The following SPTAN1 variants were observed in gnomAD, a reference collection of about 807,000 sequenced individuals.
SPTAN1 encodes the protein spectrin alpha, non-erythrocytic 1.
A neutral mutation model predicts 331.3 loss-of-function variants in SPTAN1; 61 were observed. That is an observed-to-expected ratio of 0.18 (90% CI 0.15 to 0.23). The LOEUF (loss-of-function observed/expected upper bound fraction) is 0.23. Ranked by LOEUF, SPTAN1 falls within the 10% of genes least tolerant of loss-of-function variation. SPTAN1 has a pLI of 1.00. For synonymous variants in SPTAN1, 1,153 were observed against 1,173.9 expected, an observed-to-expected ratio of 0.98 and a Z score of 0.36; for missense variants, 2,043 against 3,147.9, an observed-to-expected ratio of 0.65 and a Z score of 8.40.
chr9:128,624,469 G>A lies in SPTAN1; in HGVS notation c.5974G>A (p.Val1992Met). 1 of 1,613,446 alleles carries A rather than the reference G, an allele frequency of 6.2e-7. No homozygotes were observed. Among genetic ancestry groups the A allele is most frequent in the Non-Finnish European group, 8.5e-7 (1 of 1,180,036 alleles). The change falls in exon 46 of 57, where the codon GTG (valine) becomes ATG (methionine). Residue 1992 changes from valine (V) to methionine (M), a missense_variant. Val to Met is a conservative substitution (Grantham distance 21). Transcript: ENST00000372739. ...CCTTCAGTTCAACTGGAAGGCGGAC[G>A]TGGTGGAGTCCTGGATCGGTGAGCA... ...AFLQFNWKAD[V>M]VESWIGEKEN...
intron 1 of SPTAN1, among the ~76,000 whole-genome samples, chr9:128,563,595 C>A (rs1029787201): frequency 6.6e-6 from 1 of 152,066 alleles, no homozygotes; most frequent in Non-Finnish European, 1.5e-5. Flanking sequence ...TCCAATTTTA[C>A]AATATGCAAA....
In SPTAN1 at chr9:128,625,158, G is replaced by A. The variant is rs557306645; in HGVS notation, c.6048G>A (p.Val2016=). 9 of 1,614,168 alleles carry A rather than the reference G, an allele frequency of 5.6e-6. No individual in the cohort carries two copies. The South Asian group carries it at 8.8e-5, about 16-fold the overall frequency. ...ATTATGGCCGAGACCTGTCTTCTGTGCAGACGCTCCTCACCAAACAGGTCT... is the reference window on the plus strand; with the variant it reads ...ATTATGGCCGAGACCTGTCTTCTGTACAGACGCTCCTCACCAAACAGGTCT... ...TDDYGRDLSS[V]QTLLTKQETF... The change falls in exon 47 of 57, where the codon GTG becomes GTA. Residue 2016 remains valine (V), a synonymous_variant. Transcript: ENST00000372739. This position sits in a 1 kb window ranked among gnomAD's most constrained non-coding sequence, Gnocchi z 4.1.
rs112955915 is a variant in SPTAN1, at chr9:128,627,469, C to T, written c.6660C>T (p.Asn2220=). ...KLRQEFAQHA[N]AFHQWIQETR... is the part of the protein sequence containing the mutation. ...GCCAGGAGTTTGCCCAGCACGCCAA[C>T]GCCTTCCACCAGTGGATCCAAGAGA... The change falls in exon 50 of 57, where the codon AAC becomes AAT. Residue 2220 remains asparagine, a synonymous_variant. Coordinates refer to ENST00000372739, the MANE Select transcript of SPTAN1 (RefSeq NM_001130438.3). This position sits in a 1 kb window ranked among gnomAD's most constrained non-coding sequence, Gnocchi z 4.9. 1.3e-3 allele frequency: 2,028 copies of T among 1,551,172 alleles called. 14 individuals carry two copies. The African/African-American group carries it at 0.021, about 16-fold the overall frequency.
intron 2 of SPTAN1, 59 bp downstream of exon 2, chr9:128,567,036 A>G: frequency 6.2e-7 from 1 of 1,610,348 alleles, no homozygotes; most frequent in South Asian, 1.1e-5. Context: ...TTCTTACCCA[A>G]AAATCAGACG....
In SPTAN1 at chr9:128,633,413, C is replaced by T. The variant is rs1860159957; in HGVS notation, c.*79C>T. 1.9e-6 allele frequency: 3 copies of T among 1,603,280 alleles called. No homozygotes were observed. The highest frequency in any genetic ancestry group is 2.6e-6 in the Non-Finnish European group (3 of 1,174,736). ...ATGTCCGCTCCTCTGTGTGCTCTCA[C>T]TTTCCACTGTAACCTTAAGCCTGCT... On this transcript the variant is annotated 3_prime_UTR_variant, in exon 57 of 57. Coordinates refer to ENST00000372739, the MANE Select transcript of SPTAN1 (RefSeq NM_001130438.3).
Position 128,583,111 on chromosome 9 carries a change from A to G in SPTAN1, c.1841A>G (p.His614Arg). ...PSNLQGKVQK[H>R]QAFEAELSAN... Reference sequence around the variant, plus strand: ...AACCTACAAGGAAAAGTACAGAAGCATCAGGCTTTTGAGGCTGAGCTCTCA... The same window carrying G: ...AACCTACAAGGAAAAGTACAGAAGCGTCAGGCTTTTGAGGCTGAGCTCTCA... The change falls in exon 15 of 57, where the codon CAT becomes CGT. Residue 614 changes from histidine to arginine, a missense_variant. Physicochemically the swap from His to Arg is conservative, Grantham distance 29. Transcript: ENST00000372739. The G allele has an allele frequency of 6.2e-7, 1 of 1,614,216 alleles. No individual in the cohort carries two copies.
At position 128,621,269 on chromosome 9, in the gene SPTAN1, C is replaced by T. The variant is rs1857814553; in HGVS notation, c.5832+13C>T. ...CCTCATTAAGAAGGTGAGTCCAGCC[C>T]ATTGGTAAGACCTCCATCGCCCACT... On this transcript the variant is annotated intron_variant, in intron 45 of 56. Coordinates refer to ENST00000372739, the MANE Select transcript of SPTAN1 (RefSeq NM_001130438.3). 1 of 1,609,584 alleles carries T rather than the reference C, an allele frequency of 6.2e-7. No individual in the cohort carries two copies. The highest frequency in any genetic ancestry group is 1.1e-5 in the South Asian group (1 of 90,664).
chr9:128,593,870 A>C, intron 23 of SPTAN1: 89 of 382,170 alleles, frequency 2.3e-4, no homozygotes, highest in Middle Eastern at 8.9e-4. Flanking sequence ...TTACTGTGCT[A>C]AGCGCTTGGT....
chr9:128,611,303 C>T (rs1046477941), intron 37 of SPTAN1, among the ~76,000 whole-genome samples: 4 of 152,124 alleles, frequency 2.6e-5, no homozygotes, highest in Non-Finnish European at 4.4e-5. Flanking sequence ...AACCCCATCT[C>T]TACAAAAAAT....
chr9:128,609,537 C>T lies in SPTAN1; in HGVS notation c.4759-114C>T, dbSNP rs536623480. ...ATAGAATCCCCCTTCTATTACTGTT[C>T]CCAAATGCTGAGCTTCCTGGGGGAA... is the stretch of plus-strand genomic sequence containing the variant. On this transcript the variant is annotated intron_variant, in intron 36 of 56. Transcript: ENST00000372739. 53 of 1,013,802 alleles carry T rather than the reference C, an allele frequency of 5.2e-5. 1 individual carries two copies. Among genetic ancestry groups the T allele is most frequent in the Non-Finnish European group, 7.1e-5 (49 of 689,006 alleles). The allele number at this position is 1,013,802 out of a possible 1,614,324, so 62.8% of individuals were successfully genotyped here. A position where few individuals can be genotyped will look rare whatever the true frequency, so the allele number is the denominator to read the frequency against.
chr9:128,589,705 A>G (rs1564241631), intron 21 of SPTAN1, among the ~76,000 whole-genome samples: 3 of 151,100 alleles, frequency 2.0e-5, no homozygotes, highest in Non-Finnish European at 4.4e-5. Context: ...CCTCCCGAGC[A>G]GCTGGGACTA....
At chr9:128,598,264 T>A (rs1295998071) in intron 24 of SPTAN1, 136 bp from the exon 25 acceptor site, 3 of 719,758 alleles carry the variant, frequency 4.2e-6, no homozygotes, top group Non-Finnish European at 7.1e-6. Flanking sequence ...CTTATTTTTT[T>A]AATCCCCCCC....
chr9:128,572,238 C>T (rs373652697), intron 3 of SPTAN1, among the ~76,000 whole-genome samples: 2 of 152,170 alleles, frequency 1.3e-5, no homozygotes, highest in Non-Finnish European at 1.5e-5. Flanking sequence ...TCTCTGAAGG[C>T]TCCTGTTGCT....
chr9:128,626,596 T>G lies in SPTAN1; in HGVS notation c.6485T>G (p.Ile2162Ser). 1 of 1,613,938 alleles carries G rather than the reference T, an allele frequency of 6.2e-7. No homozygotes were observed. Among genetic ancestry groups the G allele is most frequent in the Non-Finnish European group, 8.5e-7 (1 of 1,179,974 alleles). The change falls in exon 49 of 57, where the codon ATC (isoleucine) becomes AGC (serine). Residue 2162 changes from isoleucine to serine, a missense_variant. Coordinates refer to ENST00000372739, the MANE Select transcript of SPTAN1 (RefSeq NM_001130438.3). ...CAGCTGGCCGAGCTGGACCGCCAGA[T>G]CAAGAGCTTCCGCGTAGCCTCCAAC... is the stretch of plus-strand genomic sequence containing the variant. ...FNQLAELDRQIKSFRVASNPY... is the reference protein window; with the variant it reads ...FNQLAELDRQSKSFRVASNPY...
intron 1 of SPTAN1, chr9:128,553,362 G>C (rs1848332946): frequency 6.7e-6 from 1 of 148,768 alleles, no homozygotes. Flanking sequence ...GTAAATAATA[G>C]GTAAATGCAG....
chr9:128,578,693 G>A (rs150023098), intron 9 of SPTAN1, among the ~76,000 whole-genome samples: 8 of 152,148 alleles, frequency 5.3e-5, no homozygotes, highest in African/African-American at 1.9e-4. Context: ...GCTGGTCATG[G>A]TGGCACGCGC....
At position 128,561,662 on chromosome 9, in the gene SPTAN1, CAAAA is replaced by C. The variant is rs762156669; in HGVS notation, c.-3-5053_-3-5050del. On this transcript the variant is annotated intron_variant, in intron 1 of 56. Coordinates refer to ENST00000372739, the MANE Select transcript of SPTAN1 (RefSeq NM_001130438.3). The stretch of plus-strand genomic sequence containing the variant: ...TGGGCAACAGAGCGAGACTCCGTCT[CAAAA>C]AAAAAAAAAAAAAAAAAAAAAAGAA... Among the ~76,000 whole-genome samples the C allele has an allele frequency of 2.9e-3, 46 of 15,982 alleles. 3 individuals carry two copies. The highest frequency in any genetic ancestry group is 0.024 in the South Asian group (7 of 290). 10.5% of individuals were successfully genotyped at this position (15,982 alleles called of 152,430 possible). A position where few individuals can be genotyped will look rare whatever the true frequency, so the allele number is the denominator to read the frequency against.
In SPTAN1 at chr9:128,627,024, G is replaced by T. The variant is rs776625840; in HGVS notation, c.6576+337G>T. 2.4e-5 allele frequency: 13 copies of T among 548,500 alleles called. No individual in the cohort carries two copies. In the African/African-American group the frequency reaches 2.4e-4, roughly 10 times the overall value. The allele number at this position is 548,500 out of a possible 1,614,324, so 34.0% of individuals were successfully genotyped here. A position where few individuals can be genotyped will look rare whatever the true frequency, so the allele number is the denominator to read the frequency against. The stretch of plus-strand genomic sequence containing the variant: ...GACAGGGTGTTGCTATGTTGCCCAG[G>T]CTGGTCTTCAACTCCTGGCCTCAAG... On this transcript the variant is annotated intron_variant, in intron 49 of 56. Transcript: ENST00000372739. This position sits in a 1 kb window ranked among gnomAD's most constrained non-coding sequence, Gnocchi z 4.9.
chr9:128,583,128 G>A lies in SPTAN1; in HGVS notation c.1858G>A (p.Glu620Lys), dbSNP rs1291689238. ...KVQKHQAFEA[E>K]LSANQSRIDA... Reference sequence around the variant, plus strand: ...ACAGAAGCATCAGGCTTTTGAGGCTGAGCTCTCAGCAAACCAGAGCCGAAT... The same window carrying A: ...ACAGAAGCATCAGGCTTTTGAGGCTAAGCTCTCAGCAAACCAGAGCCGAAT... Residue 620 changes from glutamate (E) to lysine (K), a missense_variant, in exon 15 of 57, where the codon GAG becomes AAG. Transcript: ENST00000372739. 6.2e-7 allele frequency: 1 copy of A among 1,614,032 alleles called. No individual in the cohort carries two copies. The highest frequency in any genetic ancestry group is 8.5e-7 in the Non-Finnish European group (1 of 1,180,038).
Sources: allele counts gnomAD v4.1 joint callset (sites outside exome capture counted in the v4.1 genomes callset), GRCh38; gene constraint gnomAD v4.1.1; non-coding constraint Gnocchi (gnomAD v3.1); transcripts MANE v1.5; gene names NCBI Gene and HGNC (gene_info 2026-07-23, HGNC 2026-07-21).